Variants in SYT15B observed in about 807,000 individuals in gnomAD.
SYT15B encodes the protein synaptotagmin 15B.
the SYT15B span, among the ~76,000 whole-genome samples, chr10:47,749,170 GC>G: frequency 1.1e-5 from 1 of 90,516 alleles, no homozygotes. Context: ...GGAGGTTGAG[GC>G]TACAGTGAAC....
At chr10:47,757,557 G>A in the SYT15B span, among the ~76,000 whole-genome samples, 15 of 74,498 alleles carry the variant, frequency 2.0e-4, 4 homozygotes, top group African/African-American at 5.6e-4. Flanking sequence ...ACCCAGGTCT[G>A]AGCCAGCTGG....
the SYT15B span, among the ~76,000 whole-genome samples, chr10:47,747,331 C>A: frequency 6.6e-6 from 1 of 151,286 alleles, no homozygotes; most frequent in African/African-American, 2.4e-5. Context: ...CTTGAGGCAT[C>A]TGCTGAGTTA....
chr10:47,746,935 A>G, the SYT15B span, among the ~76,000 whole-genome samples: 14 of 123,440 alleles, frequency 1.1e-4, no homozygotes, highest in African/African-American at 4.3e-4. Context: ...TGAGAAAAGA[A>G]TTCTGAGAAT....
At chr10:47,744,871 T>C in the SYT15B span, among the ~76,000 whole-genome samples, 1 of 152,066 alleles carries the variant, frequency 6.6e-6, no homozygotes, top group Admixed American at 6.6e-5. Context: ...TCATTCTCAG[T>C]TGACCAAAAA....
chr10:47,744,731 AAC>A, the SYT15B span, among the ~76,000 whole-genome samples: 1 of 151,810 alleles, frequency 6.6e-6, no homozygotes, highest in South Asian at 2.1e-4. Flanking sequence ...GTAAACAGCA[AAC>A]TATTTTATTC....
the SYT15B span, chr10:47,753,012 G>A: frequency 2.8e-5 from 4 of 140,714 alleles, no homozygotes; most frequent in African/African-American, 1.1e-4. Context: ...GGAGGCTGAG[G>A]CAGGAGAATC....
chr10:47,757,892 T>C, the SYT15B span: 1 of 1,517,194 alleles, frequency 6.6e-7, no homozygotes, highest in South Asian at 1.3e-5. Context: ...TGATGCTCAG[T>C]GGCATAGGCA....
chr10:47,762,205 G>A, the SYT15B span, among the ~76,000 whole-genome samples: 1 of 151,844 alleles, frequency 6.6e-6, no homozygotes, highest in South Asian at 2.1e-4. Context: ...GAGTTGGTGC[G>A]ACGCGGTGGA....
the SYT15B span, among the ~76,000 whole-genome samples, chr10:47,762,102 C>T: frequency 5.2e-4 from 70 of 135,532 alleles, no homozygotes; most frequent in Non-Finnish European, 8.1e-4. Context: ...AACCTCTACC[C>T]TCTGGGGCCC....
the SYT15B span, among the ~76,000 whole-genome samples, chr10:47,756,402 C>T: frequency 1.6e-5 from 2 of 124,080 alleles, no homozygotes; most frequent in East Asian, 2.4e-4. Flanking sequence ...CACTGCCCTG[C>T]GGCCCAGGCG....
the SYT15B span, chr10:47,763,179 T>C: frequency 1.0e-6 from 1 of 988,612 alleles, no homozygotes. Context: ...GATCCCGGGG[T>C]GGAGTCTCCG....
At chr10:47,746,579 G>A in the SYT15B span, among the ~76,000 whole-genome samples, 3 of 92,498 alleles carry the variant, frequency 3.2e-5, no homozygotes, top group African/African-American at 1.2e-4. Flanking sequence ...TCAGGAGACT[G>A]AGGCAGGAGA....
the SYT15B span, chr10:47,756,185 CTTG>C: frequency 1.0e-5 from 4 of 381,680 alleles, no homozygotes; most frequent in Non-Finnish European, 1.3e-5. Context: ...ACTTGACAAA[CTTG>C]TTGTGGTTCA....
chr10:47,744,991 T>C, the SYT15B span, among the ~76,000 whole-genome samples: 1 of 151,980 alleles, frequency 6.6e-6, no homozygotes. Context: ...AAGCTTCCTC[T>C]TGATTCCTCC....
At chr10:47,748,020 A>G in the SYT15B span, among the ~76,000 whole-genome samples, 3 of 152,206 alleles carry the variant, frequency 2.0e-5, no homozygotes, top group African/African-American at 7.2e-5. Flanking sequence ...AGCAAAGAAC[A>G]TAAGATACTT....
the SYT15B span, chr10:47,763,218 C>T: frequency 1.0e-6 from 1 of 987,582 alleles, no homozygotes; most frequent in Non-Finnish European, 1.2e-6. Flanking sequence ...GCGCTGCCTG[C>T]CTGATGGCCT....
the SYT15B span, among the ~76,000 whole-genome samples, chr10:47,746,872 T>C: frequency 1.0e-4 from 11 of 107,146 alleles, no homozygotes; most frequent in Non-Finnish European, 1.9e-4. Flanking sequence ...TTCCCAAGAA[T>C]TGTTTAATCC....
At chr10:47,748,431 T>C in the SYT15B span, among the ~76,000 whole-genome samples, 1 of 151,804 alleles carries the variant, frequency 6.6e-6, no homozygotes. Flanking sequence ...CAGGTTGGTC[T>C]CAAACTTCTG....
the SYT15B span, among the ~76,000 whole-genome samples, chr10:47,747,211 A>C: frequency 2.0e-4 from 30 of 151,972 alleles, no homozygotes; most frequent in African/African-American, 6.3e-4. Flanking sequence ...AAGGCAGCAG[A>C]GTCTTCAGCT....
Sources: allele counts gnomAD v4.1 joint callset (sites outside exome capture counted in the v4.1 genomes callset), GRCh38; gene constraint gnomAD v4.1.1; transcripts MANE v1.5; gene names NCBI Gene and HGNC (gene_info 2026-07-23, HGNC 2026-07-21).